UGT1A9: variants seen among roughly 807,000 people sequenced by gnomAD.
The protein encoded by UGT1A9 is UDP-glucuronosyltransferase 1A9.
In UGT1A9, 35 loss-of-function variants were observed where a neutral mutation model predicts 45.0. That is an observed-to-expected ratio of 0.78 (90% CI 0.59 to 1.03). UGT1A9 has a LOEUF of 1.03. Ranked by LOEUF, UGT1A9 falls within the 50% of genes least tolerant of loss-of-function variation. The probability of loss-of-function intolerance (pLI) is 0.00; values close to 1 mark genes in which losing one functional copy is unlikely to be tolerated. For synonymous variants in UGT1A9, 278 were observed against 250.6 expected, an observed-to-expected ratio of 1.11 and a Z score of -1.03; for missense variants, 687 against 666.6, an observed-to-expected ratio of 1.03 and a Z score of -0.34.
chr2:233,710,339 G>A (rs922089291), intron 1 of UGT1A9, among the ~76,000 whole-genome samples: 1 of 152,176 alleles, frequency 6.6e-6, no homozygotes, highest in Non-Finnish European at 1.5e-5. Flanking sequence ...AGAAACAGTC[G>A]AACTGTTTCC....
At position 233,704,405 on chromosome 2, in the gene UGT1A9, A is replaced by C. The variant is rs761303272; in HGVS notation, c.855+31616A>C. 5.7e-4 allele frequency among the ~76,000 whole-genome samples: 87 copies of C among 152,010 alleles called. 2 individuals carry two copies. The highest frequency in any genetic ancestry group is 1.3e-4 in the Admixed American group (2 of 15,270). On this transcript the variant is annotated intron_variant, in intron 1 of 4. Coordinates refer to ENST00000354728, the MANE Select transcript of UGT1A9 (RefSeq NM_021027.3). ...ATTTTAACTTACCAGTATCTACTTC[A>C]GATTTATACCAACTTAATTCCAGTT... is the stretch of plus-strand genomic sequence containing the variant.
intron 1 of UGT1A9, among the ~76,000 whole-genome samples, chr2:233,700,927 G>T (rs1016140618): frequency 2.6e-5 from 4 of 151,424 alleles, no homozygotes; most frequent in Admixed American, 2.0e-4. Flanking sequence ...CTGTGTCTGT[G>T]TGTGATTGTT....
At chr2:233,719,289 T>A in intron 1 of UGT1A9, 1 of 1,614,098 alleles carries the variant, frequency 6.2e-7, no homozygotes, top group African/African-American at 1.3e-5. Flanking sequence ...CGTTAACCTC[T>A]GTGGGGCGGT....
intron 1 of UGT1A9, chr2:233,742,090 C>T (rs539350164): frequency 2.6e-5 from 4 of 151,950 alleles, no homozygotes; most frequent in Admixed American, 1.3e-4. Flanking sequence ...TTTTACATTT[C>T]CAGGACCCAC....
chr2:233,713,717 G>A (rs1295748799), intron 1 of UGT1A9: 1 of 1,613,946 alleles, frequency 6.2e-7, no homozygotes, highest in East Asian at 2.2e-5. Flanking sequence ...TTCAGAGAGA[G>A]GTGTCAGTGG....
intron 3 of UGT1A9, 44 bp from the exon 4 acceptor site, chr2:233,768,176 C>A: frequency 6.2e-7 from 1 of 1,613,910 alleles, no homozygotes; most frequent in South Asian, 1.1e-5. Context: ...AGCTGTGAAA[C>A]TCAGAGATGT....
At position 233,725,173 on chromosome 2, in the gene UGT1A9, C is replaced by G. The variant is rs567676971; in HGVS notation, c.856-41861C>G. On this transcript the variant is annotated intron_variant, in intron 1 of 4. Transcript: ENST00000354728. ...CTTCGGCTCTGCATGAGAGGGAGAC[C>G]GTGGGGAGAGGCAGAGGCAGAGGCA... Among the ~76,000 whole-genome samples, 8 of 94,296 alleles carry G rather than the reference C, an allele frequency of 8.5e-5. 1 individual carries two copies. The East Asian group carries it at 9.6e-4, about 11-fold the overall frequency. The allele number at this position is 94,296 out of a possible 152,430, so 61.9% of individuals were successfully genotyped here.
chr2:233,724,072 G>A (rs1233032648), intron 1 of UGT1A9, among the ~76,000 whole-genome samples: 2 of 94,580 alleles, frequency 2.1e-5, no homozygotes, highest in African/African-American at 6.0e-5. Flanking sequence ...GGTGGTGGCC[G>A]GGCAGAGGGG....
chr2:233,724,896 C>T lies in UGT1A9; in HGVS notation c.856-42138C>T, dbSNP rs1575557571. 1.5e-5 allele frequency among the ~76,000 whole-genome samples: 2 copies of T among 137,598 alleles called. 1 individual carries two copies. The highest frequency in any genetic ancestry group is 4.4e-4 in the East Asian group (2 of 4,596). The allele number at this position is 137,598 out of a possible 152,430, so 90.3% of individuals were successfully genotyped here. A position where few individuals can be genotyped will look rare whatever the true frequency, so the allele number is the denominator to read the frequency against. On this transcript the variant is annotated intron_variant, in intron 1 of 4. Coordinates refer to ENST00000354728, the MANE Select transcript of UGT1A9 (RefSeq NM_021027.3). ...GAGCGGAGATCACGCCACTGCACTC[C>T]AGCCTGGGCACCATTGAGCACTGAG...
At chr2:233,717,349 C>T (rs1413249189) in intron 1 of UGT1A9, among the ~76,000 whole-genome samples, 1 of 152,208 alleles carries the variant, frequency 6.6e-6, no homozygotes. Context: ...AAATCGTCCT[C>T]CCCTGGGGAG....
chr2:233,729,056 T>G, intron 1 of UGT1A9: 1 of 1,610,084 alleles, frequency 6.2e-7, no homozygotes, highest in Non-Finnish European at 8.5e-7. Flanking sequence ...ACAAGGTAAT[T>G]AAGATGAAGA....
chr2:233,686,445 C>T (rs1186697369), intron 1 of UGT1A9, among the ~76,000 whole-genome samples: 2 of 152,132 alleles, frequency 1.3e-5, no homozygotes, highest in Admixed American at 6.5e-5. Flanking sequence ...CATGGAGGCT[C>T]TCCCATGAAA....
At chr2:233,690,381 G>T in intron 1 of UGT1A9, 3 of 1,010,228 alleles carry the variant, frequency 3.0e-6, no homozygotes, top group Non-Finnish European at 4.0e-6. Context: ...TAGGGTCCAC[G>T]TTTCCAGACC....
At chr2:233,729,541 A>G (rs750509875) in intron 1 of UGT1A9, 1 of 1,614,224 alleles carries the variant, frequency 6.2e-7, no homozygotes, top group South Asian at 1.1e-5. Context: ...GGCCCTGATC[A>G]GGCACCTGAA....
At chr2:233,742,895 G>A (rs1191973216) in intron 1 of UGT1A9, 1 of 164,996 alleles carries the variant, frequency 6.1e-6, no homozygotes, top group African/African-American at 2.4e-5. Flanking sequence ...TTTCCCAACG[G>A]AAAAAGGTAA....
chr2:233,743,812 G>C (rs1692526779), intron 1 of UGT1A9: 1 of 1,367,182 alleles, frequency 7.3e-7, no homozygotes, highest in African/African-American at 1.5e-5. Flanking sequence ...TGTTCTCAGG[G>C]TTTTTGTCGG....
chr2:233,767,956 T>G lies in UGT1A9; in HGVS notation c.1075+20T>G, dbSNP rs745426586. The G allele has an allele frequency of 3.1e-6, 5 of 1,614,074 alleles. No individual in the cohort carries two copies. The East Asian group carries it at 8.9e-5, about 29-fold the overall frequency. On this transcript the variant is annotated intron_variant, in intron 3 of 4. Transcript: ENST00000354728. ...TGCTTGGTATGTTGGGCGGATTGGATGTATAGGTCAAACCAGGGTCAAATT... is the reference window on the plus strand; with the variant it reads ...TGCTTGGTATGTTGGGCGGATTGGAGGTATAGGTCAAACCAGGGTCAAATT...
chr2:233,754,906 T>C, intron 1 of UGT1A9: 3 of 1,351,506 alleles, frequency 2.2e-6, no homozygotes, highest in South Asian at 1.1e-5. Flanking sequence ...CCCCCCAAAA[T>C]ATTCTCCAGC....
chr2:233,712,799 T>C (rs2076255555), intron 1 of UGT1A9, among the ~76,000 whole-genome samples: 1 of 152,254 alleles, frequency 6.6e-6, no homozygotes, highest in Non-Finnish European at 1.5e-5. Context: ...GTGATCGGTC[T>C]TTCCCAGGGT....
Sources: gnomAD v4.1 joint callset for allele counts (sites outside exome capture counted in the v4.1 genomes callset) on GRCh38, gnomAD v4.1.1 for gene constraint, MANE v1.5 for transcripts, NCBI Gene and HGNC (gene_info 2026-07-23, HGNC 2026-07-21) for gene names.